The following TCP11L1 variants were observed in gnomAD, a reference collection of about 807,000 sequenced individuals.
TCP11L1 encodes t-complex 11 like 1.
TCP11L1 carries 28 observed loss-of-function variants against 48.9 expected under a neutral mutation model. That is an observed-to-expected ratio of 0.57 (90% confidence interval 0.42 to 0.78). The LOEUF is 0.78. Ranked by LOEUF, TCP11L1 falls within the 30% of genes least tolerant of loss-of-function variation. The pLI is 0.00. For synonymous variants in TCP11L1, 204 were observed against 231.9 expected (o/e 0.88, Z 1.09); for missense variants, 505 against 613.4 (o/e 0.82, Z 1.87).
rs563138840 is a variant in TCP11L1 at position 33,042,863 on chromosome 11, C to T, written c.-24-887C>T. Among the ~76,000 whole-genome samples, 12 of 152,274 alleles carry T rather than the reference C, an allele frequency of 7.9e-5. No homozygotes were observed. In the East Asian group the frequency reaches 2.1e-3, roughly 27 times the overall value. On this transcript the variant is annotated intron_variant, in intron 1 of 9. Coordinates refer to ENST00000334274, the MANE Select transcript of TCP11L1 (RefSeq NM_018393.4). ...CAGGTGGATCATGAGGTCAGGAGTT[C>T]GAAACCAGCCTGGCCAACATGGTGA...
Position 33,049,850 on chromosome 11 carries a change from C to T in TCP11L1, c.164-4743C>T, listed in dbSNP as rs534059257. Among the ~76,000 whole-genome samples the T allele has an allele frequency of 3.9e-5, 6 of 152,322 alleles. No homozygotes were observed. The South Asian group carries it at 1.2e-3, about 32-fold the overall frequency. ...TTCCTCTTTTACTAATCCTCCTCAG[C>T]ACAGACCCTTTACAGGTGTTGGGCT... On this transcript the variant is annotated intron_variant, in intron 2 of 9. Transcript: ENST00000334274.
At chr11:33,062,961 G>A (rs1854509418) in intron 7 of TCP11L1, among the ~76,000 whole-genome samples, 1 of 152,204 alleles carries the variant, frequency 6.6e-6, no homozygotes, top group East Asian at 1.9e-4. Context: ...CAGGGCCCAA[G>A]TGATCCTCCT....
Position 33,061,836 on chromosome 11 carries a change from T to G in TCP11L1, c.972+110T>G, listed in dbSNP as rs1854476866. The G allele has an allele frequency of 6.1e-6, 7 of 1,139,482 alleles. No individual in the cohort carries two copies. The Admixed American group carries it at 2.4e-4, about 39-fold the overall frequency. 70.6% of individuals were successfully genotyped at this position (1,139,482 alleles called of 1,614,324 possible). A position where few individuals can be genotyped will look rare whatever the true frequency, so the allele number is the denominator to read the frequency against. The stretch of plus-strand genomic sequence containing the variant: ...TGGCTCACTCCTGTAATCCCAGCAC[T>G]TTGGGAGGCAGAGGCAGGCAGATTG... On this transcript the variant is annotated intron_variant, in intron 7 of 9. Transcript: ENST00000334274.
Position 33,068,714 on chromosome 11 carries a change from T to G in TCP11L1, c.1182T>G (p.Thr394=). ...LPSFHLKDVL[T]TIGEKVCLEV... ...CCTTCCATCTGAAGGACGTCCTCAC[T>G]ACCATCGGGGAGAAGGTGTGCCTGG... The change falls in exon 9 of 10, where the codon ACT becomes ACG. Residue 394 remains threonine, a synonymous_variant. Coordinates refer to ENST00000334274, the MANE Select transcript of TCP11L1 (RefSeq NM_018393.4). 1 of 1,614,090 alleles carries G rather than the reference T, an allele frequency of 6.2e-7. No homozygotes were observed. Among genetic ancestry groups the G allele is most frequent in the Non-Finnish European group, 8.5e-7 (1 of 1,180,000 alleles).
chr11:33,071,101 G>C (rs956644909), intron 9 of TCP11L1, among the ~76,000 whole-genome samples: 1 of 151,456 alleles, frequency 6.6e-6, no homozygotes, highest in African/African-American at 2.4e-5. Flanking sequence ...GATCACTTGA[G>C]GTCAGGAATT....
chr11:33,057,814 A>C (rs1350548624), intron 4 of TCP11L1, 105 bp from the exon 5 acceptor site: 2 of 937,734 alleles, frequency 2.1e-6, no homozygotes, highest in African/African-American at 3.3e-5. Flanking sequence ...TATGTGCAAT[A>C]TTACGTAGCA....
chr11:33,068,597 G>T, intron 8 of TCP11L1, 90 bp from the exon 9 acceptor site: 2 of 1,463,068 alleles, frequency 1.4e-6, no homozygotes, highest in Non-Finnish European at 1.9e-6. Flanking sequence ...TCCAGTTATT[G>T]GTGCCGTCAT....
Position 33,057,136 on chromosome 11 carries a change from G to C in TCP11L1, c.318G>C (p.Glu106Asp). ...PENSLKKRVK[E>D]IVHKAFWDCL... ...CCAGCTTGAAGAAGAGAGTAAAGGA[G>C]ATTGTACATAAAGCGTTTTGGGATT... is the stretch of plus-strand genomic sequence containing the variant. The change falls in exon 4 of 10, where the codon GAG becomes GAC. Residue 106 changes from glutamate (E) to aspartate (D), a missense_variant. Transcript: ENST00000334274. The C allele has an allele frequency of 1.2e-6, 2 of 1,613,988 alleles. No individual in the cohort carries two copies. Among genetic ancestry groups the C allele is most frequent in the Non-Finnish European group, 8.5e-7 (1 of 1,180,000 alleles).
chr11:33,067,211 G>A (rs985752281), intron 8 of TCP11L1, among the ~76,000 whole-genome samples: 6 of 152,118 alleles, frequency 3.9e-5, no homozygotes, highest in African/African-American at 1.4e-4. Flanking sequence ...TTCAGTGACC[G>A]CTCCTACCAT....
intron 3 of TCP11L1, among the ~76,000 whole-genome samples, chr11:33,055,346 A>G (rs114244758): frequency 6.6e-6 from 1 of 152,216 alleles, no homozygotes; most frequent in Non-Finnish European, 1.5e-5. Flanking sequence ...TCATGGTTGC[A>G]GGATGAATGC....
At chr11:33,047,640 GA>G (rs1854038269) in intron 2 of TCP11L1, among the ~76,000 whole-genome samples, 2 of 152,116 alleles carry the variant, frequency 1.3e-5, no homozygotes, top group African/African-American at 4.8e-5. Context: ...TAAAGCTCAT[GA>G]CTAGACTTTG....
intron 2 of TCP11L1, among the ~76,000 whole-genome samples, chr11:33,045,309 C>T (rs1242386874): frequency 5.3e-5 from 8 of 150,064 alleles, no homozygotes; most frequent in South Asian, 4.2e-4. Flanking sequence ...GCCGAGATCA[C>T]GCCACTGCAC....
At chr11:33,055,059 C>G (rs1450693760) in intron 3 of TCP11L1, among the ~76,000 whole-genome samples, 1 of 152,246 alleles carries the variant, frequency 6.6e-6, no homozygotes, top group African/African-American at 2.4e-5. Context: ...GTCCCTAGTG[C>G]CTGGCACTTA....
At chr11:33,048,141 A>C (rs1451520915) in intron 2 of TCP11L1, among the ~76,000 whole-genome samples, 1 of 152,186 alleles carries the variant, frequency 6.6e-6, no homozygotes, top group African/African-American at 2.4e-5. Flanking sequence ...TTAGCTTTGT[A>C]TCACGTAAGA....
At position 33,072,962 on chromosome 11, in the gene TCP11L1, T is replaced by G; in HGVS notation, c.*286T>G. The G allele has an allele frequency of 2.5e-6, 1 of 399,544 alleles. No homozygotes were observed. The highest frequency in any genetic ancestry group is 4.7e-6 in the Non-Finnish European group (1 of 214,186). 24.7% of individuals were successfully genotyped at this position (399,544 alleles called of 1,614,324 possible). On this transcript the variant is annotated 3_prime_UTR_variant, in exon 10 of 10. Transcript: ENST00000334274. ...TGTTGTCTCCACTCCTCCCCCATCA[T>G]GTCCTTCCAAGGAGGCTGGGACCTC... is the stretch of plus-strand genomic sequence containing the variant.
rs1392605425 is a variant in TCP11L1, at chr11:33,054,559, G to A, written c.164-34G>A. 3 of 1,592,168 alleles carry A rather than the reference G, an allele frequency of 1.9e-6. No homozygotes were observed. The East Asian group carries it at 6.8e-5, about 36-fold the overall frequency. ...ATTTTAGTAGAAATTCAGATCCAGG[G>A]AAGCAAATCTCTTACAGTGAGTTTC... On this transcript the variant is annotated intron_variant, in intron 2 of 9. Transcript: ENST00000334274.
chr11:33,043,718 T>C (rs1853904819), intron 1 of TCP11L1, 32 bp from the exon 2 acceptor site: 5 of 1,552,186 alleles, frequency 3.2e-6, no homozygotes, highest in South Asian at 1.2e-5. Context: ...AGAATACTTT[T>C]AGTTCTTTTT....
intron 9 of TCP11L1, among the ~76,000 whole-genome samples, chr11:33,071,714 T>C (rs892192247): frequency 6.6e-6 from 1 of 152,226 alleles, no homozygotes; most frequent in African/African-American, 2.4e-5. Context: ...AACCTGTAAT[T>C]CCTGCTTTAA....
chr11:33,048,530 G>A (rs968955742), intron 2 of TCP11L1, among the ~76,000 whole-genome samples: 5 of 152,108 alleles, frequency 3.3e-5, no homozygotes, highest in Admixed American at 6.5e-5. Flanking sequence ...TATGTACATC[G>A]GTAACATGTC....
Sources: gnomAD v4.1 joint callset for allele counts (sites outside exome capture counted in the v4.1 genomes callset) on GRCh38, gnomAD v4.1.1 for gene constraint, MANE v1.5 for transcripts, NCBI Gene and HGNC (gene_info 2026-07-23, HGNC 2026-07-21) for gene names.